The following ZNF654 variants were observed in gnomAD, a reference collection of about 807,000 sequenced individuals.
The protein encoded by ZNF654 is zinc finger protein 654.
A neutral mutation model predicts 95.3 loss-of-function variants in ZNF654; 19 were observed. The ratio of observed to expected loss-of-function variants is 0.20; its 90% CI spans 0.14 to 0.29. The LOEUF (loss-of-function observed/expected upper bound fraction) is 0.29. Ranked by LOEUF, ZNF654 falls within the 10% of genes least tolerant of loss-of-function variation. The pLI, the probability that ZNF654 is intolerant of heterozygous loss-of-function variation, is 1.00. For missense variants in ZNF654, 1,046 were observed against 1,341.0 expected (o/e 0.78, Z 3.44); for synonymous variants, 413 against 457.9 (o/e 0.90, Z 1.25).
At chr3:88,091,063 A>C (rs1269354647) in intron 2 of ZNF654, among the ~76,000 whole-genome samples, 1 of 152,206 alleles carries the variant, frequency 6.6e-6, no homozygotes, top group South Asian at 2.1e-4. Context: ...GTACAGTAGC[A>C]TGCTATACAG....
Position 88,144,192 on chromosome 3 carries a change from A to T in ZNF654, c.*2540A>T, listed in dbSNP as rs1707251500. ...GAGGTAAAAAGGGGAATCTCCGTGG[A>T]CAAGGACACTGGTACTTTGGGCTTT... On this transcript the variant is annotated 3_prime_UTR_variant, in exon 9 of 9. Coordinates refer to ENST00000636215, the MANE Select transcript of ZNF654 (RefSeq NM_001350134.2). 6.6e-6 allele frequency: 1 copy of T among 152,382 alleles called. No individual in the cohort carries two copies. The highest frequency in any genetic ancestry group is 2.4e-5 in the African/African-American group (1 of 41,448). 9.4% of individuals were successfully genotyped at this position (152,382 alleles called of 1,614,324 possible).
At position 88,059,432 on chromosome 3, in the gene ZNF654, G is replaced by A. The variant is rs1706706752; in HGVS notation, c.113G>A (p.Gly38Asp). 1 of 1,522,406 alleles carries A rather than the reference G, an allele frequency of 6.6e-7. No homozygotes were observed. Among genetic ancestry groups the A allele is most frequent in the Admixed American group, 2.1e-5 (1 of 47,208 alleles). 94.3% of individuals were successfully genotyped at this position (1,522,406 alleles called of 1,614,324 possible). ...CTTAGAGCTGCGGGCGACGGCAGAG[G>A]CGGCGCTGGCAGCGGCAACTGCGGC... ...VGLRAAGDGR[G>D]GAGSGNCGGG... Residue 38 changes from glycine to aspartate, a missense_variant, in exon 1 of 9, where the codon GGC (glycine) becomes GAC (aspartate). Around this residue, in one of 9 missense-constraint regions of ZNF654, gnomAD observed 89 missense variants for 77.9 expected, o/e 1.14. Transcript: ENST00000636215.
intron 1 of ZNF654, among the ~76,000 whole-genome samples, chr3:88,069,988 A>G (rs1707415850): frequency 6.6e-6 from 1 of 152,186 alleles, no homozygotes; most frequent in South Asian, 2.1e-4. Flanking sequence ...TATCTGTCGT[A>G]CTGTCATTTG....
intron 3 of ZNF654, among the ~76,000 whole-genome samples, chr3:88,119,037 A>G (rs560703355): frequency 1.3e-5 from 2 of 149,806 alleles, no homozygotes; most frequent in African/African-American, 2.5e-5. Context: ...ATTACTGGGT[A>G]TATACCCAAA....
intron 2 of ZNF654, among the ~76,000 whole-genome samples, chr3:88,090,813 C>T (rs1244554454): frequency 1.3e-5 from 2 of 152,130 alleles, no homozygotes; most frequent in South Asian, 2.1e-4. Context: ...TAGGGATTGT[C>T]TTGGCCCATA....
chr3:88,084,084 C>G (rs1380581010), intron 1 of ZNF654, among the ~76,000 whole-genome samples: 1 of 152,042 alleles, frequency 6.6e-6, no homozygotes, highest in Non-Finnish European at 1.5e-5. Flanking sequence ...GTTTATGTCC[C>G]TTTCAGGGTA....
chr3:88,074,755 T>C lies in ZNF654; in HGVS notation c.187-11502T>C, dbSNP rs578199105. Among the ~76,000 whole-genome samples the C allele has an allele frequency of 5.1e-4, 78 of 152,328 alleles. 1 individual carries two copies. In the South Asian group the frequency reaches 0.012, roughly 24 times the overall value. On this transcript the variant is annotated intron_variant, in intron 1 of 8. Coordinates refer to ENST00000636215, the MANE Select transcript of ZNF654 (RefSeq NM_001350134.2). The stretch of plus-strand genomic sequence containing the variant: ...ACTAATATTTCTGTCAACTATACTA[T>C]GTACTAAATTCAGGGAATTACTTTT...
At chr3:88,095,737 T>C in intron 2 of ZNF654, 1 of 392,422 alleles carries the variant, frequency 2.5e-6, no homozygotes, top group East Asian at 8.6e-5. Context: ...TCCCCAGGCT[T>C]GTTATTTTAA....
chr3:88,133,852 A>AT (rs1371928043), intron 6 of ZNF654, among the ~76,000 whole-genome samples: 1 of 152,184 alleles, frequency 6.6e-6, no homozygotes, highest in Admixed American at 6.6e-5. Context: ...GAGCAAAAGT[A>AT]TACTTGAAAT....
chr3:88,117,139 A>C (rs1051348247), intron 3 of ZNF654, among the ~76,000 whole-genome samples: 20 of 152,240 alleles, frequency 1.3e-4, no homozygotes, highest in African/African-American at 4.8e-4. Context: ...TCAAATTGAA[A>C]GTACAGTGAA....
At position 88,109,337 on chromosome 3, in the gene ZNF654, A is replaced by G. The variant is rs1174044480; in HGVS notation, c.333-3778A>G. ...AGGACTGAATAGAAATTTCTGTAAG[A>G]TACCAAACCTTCAGTTAGTATATAT... On this transcript the variant is annotated intron_variant, in intron 2 of 8. Coordinates refer to ENST00000636215, the MANE Select transcript of ZNF654 (RefSeq NM_001350134.2). 1.3e-5 allele frequency among the ~76,000 whole-genome samples: 2 copies of G among 152,160 alleles called. 1 individual carries two copies. The highest frequency in any genetic ancestry group is 4.1e-4 in the South Asian group (2 of 4,834).
chr3:88,128,726 A>G lies in ZNF654; in HGVS notation c.551-83A>G, dbSNP rs1706269737. On this transcript the variant is annotated intron_variant, in intron 4 of 8. Coordinates refer to ENST00000636215, the MANE Select transcript of ZNF654 (RefSeq NM_001350134.2). ...GTAGTTAAATCTAATTAGAAACCATATTTTAGTGGTAAAGTTTCAAAGAAC... is the reference window on the plus strand; with the variant it reads ...GTAGTTAAATCTAATTAGAAACCATGTTTTAGTGGTAAAGTTTCAAAGAAC... 4 of 922,048 alleles carry G rather than the reference A, an allele frequency of 4.3e-6. No homozygotes were observed. In the South Asian group the frequency reaches 7.1e-5, roughly 16 times the overall value. The allele number at this position is 922,048 out of a possible 1,614,324, so 57.1% of individuals were successfully genotyped here. A position where few individuals can be genotyped will look rare whatever the true frequency, so the allele number is the denominator to read the frequency against.
chr3:88,059,352 A>G lies in ZNF654; in HGVS notation c.33A>G (p.Glu11=). The G allele has an allele frequency of 1.3e-6, 2 of 1,534,872 alleles. No homozygotes were observed. Among genetic ancestry groups the G allele is most frequent in the Non-Finnish European group, 1.7e-6 (2 of 1,146,718 alleles). The stretch of plus-strand genomic sequence containing the variant: ...AGGAAGAGAGCGACCAAGAGGCCGA[A>G]CGCCTCGGAGAAGAGCTTGTGGCCA... MAEEESDQEA[E]RLGEELVAIV... The change falls in exon 1 of 9, where the codon GAA becomes GAG. Residue 11 remains glutamate (E), a synonymous_variant. Coordinates refer to ENST00000636215, the MANE Select transcript of ZNF654 (RefSeq NM_001350134.2).
intron 4 of ZNF654, among the ~76,000 whole-genome samples, chr3:88,127,407 G>C (rs1314548788): frequency 2.0e-5 from 3 of 151,182 alleles, no homozygotes; most frequent in Non-Finnish European, 2.9e-5. Context: ...GGGGTAAAAA[G>C]GACACTGGTG....
At chr3:88,095,832 T>C in intron 2 of ZNF654, 1 of 457,384 alleles carries the variant, frequency 2.2e-6, no homozygotes, top group Non-Finnish European at 4.2e-6. Flanking sequence ...CCAAGTATTG[T>C]GCTCCTCAGA....
In ZNF654 at chr3:88,142,114, C is replaced by T. The variant is rs1707161977; in HGVS notation, c.*462C>T. The T allele has an allele frequency of 6.5e-6, 1 of 152,758 alleles. No homozygotes were observed. The highest frequency in any genetic ancestry group is 2.4e-5 in the African/African-American group (1 of 41,386). The allele number at this position is 152,758 out of a possible 1,614,324, so 9.5% of individuals were successfully genotyped here. The stretch of plus-strand genomic sequence containing the variant: ...CTTGTCATGCATAATCAGATTATGT[C>T]CCCTCCCTTCTGGTTAAACATGGTT... On this transcript the variant is annotated 3_prime_UTR_variant, in exon 9 of 9. Transcript: ENST00000636215.
chr3:88,112,967 T>C (rs1404077931), intron 2 of ZNF654, 148 bp from the exon 3 acceptor site: 3 of 537,982 alleles, frequency 5.6e-6, no homozygotes, highest in Non-Finnish European at 9.7e-6. Context: ...ACAGAAAACA[T>C]AATATGAATT....
intron 1 of ZNF654, among the ~76,000 whole-genome samples, chr3:88,076,966 G>C (rs765215885): frequency 7.9e-5 from 12 of 152,126 alleles, no homozygotes; most frequent in Non-Finnish European, 1.8e-4. Context: ...CATTAACCTT[G>C]GCCAGGAGCT....
At chr3:88,134,982 T>G in intron 6 of ZNF654, 79 bp from the exon 7 acceptor site, 1 of 1,044,630 alleles carries the variant, frequency 9.6e-7, no homozygotes, top group Admixed American at 3.9e-5. Flanking sequence ...CAGGGCACTA[T>G]AGAATCAGGG....
Sources: allele counts gnomAD v4.1 joint callset (sites outside exome capture counted in the v4.1 genomes callset), GRCh38; gene constraint gnomAD v4.1.1; regional missense constraint gnomAD v4.1.1; transcripts MANE v1.5; gene names NCBI Gene and HGNC (gene_info 2026-07-23, HGNC 2026-07-21).